GNAO1: variants seen among roughly 807,000 people sequenced by gnomAD.
GNAO1 encodes the protein guanine nucleotide-binding protein G(o) subunit alpha.
For synonymous variants in GNAO1, 164 were observed against 180.7 expected (o/e 0.91, Z 0.74); for missense variants, 166 against 478.7 (o/e 0.35, Z 6.10).
chr16:56,281,610 C>G (rs1222275021), intron 3 of GNAO1, among the ~76,000 whole-genome samples: 3 of 152,002 alleles, frequency 2.0e-5, no homozygotes, highest in Non-Finnish European at 4.4e-5. Flanking sequence ...CCCCTTCCCT[C>G]TCTCCCTCCC....
intron 2 of GNAO1, among the ~76,000 whole-genome samples, chr16:56,242,719 G>A (rs530774295): frequency 1.3e-5 from 2 of 152,276 alleles, no homozygotes; most frequent in African/African-American, 4.8e-5. Flanking sequence ...AAACATAGGG[G>A]TAAATCTTCA....
At chr16:56,300,067 G>A (rs2037330492) in intron 3 of GNAO1, among the ~76,000 whole-genome samples, 1 of 148,484 alleles carries the variant, frequency 6.7e-6, no homozygotes, top group Admixed American at 6.8e-5. Context: ...ACATGTGCTT[G>A]TGAGTGTGTC....
At chr16:56,248,939 G>T (rs2036773890) in intron 2 of GNAO1, among the ~76,000 whole-genome samples, 1 of 152,168 alleles carries the variant, frequency 6.6e-6, no homozygotes, top group African/African-American at 2.4e-5. Flanking sequence ...AGGAATAGAT[G>T]CAGGGAGATC....
rs1302198902 is a variant in GNAO1 at position 56,279,044 on chromosome 16, TC to T, written c.303+2975del. ...TTGGTCTCTGAAGAAGAGACCTCCT[TC>T]CCTCTCATGTTTTTTTCACCTCTGC... On this transcript the variant is annotated intron_variant, in intron 3 of 8. Transcript: ENST00000262493. Among the ~76,000 whole-genome samples, 9 of 151,848 alleles carry T rather than the reference TC, an allele frequency of 5.9e-5. No homozygotes were observed. In the South Asian group the frequency reaches 8.3e-4, roughly 14 times the overall value.
chr16:56,287,781 G>A (rs151206789), intron 3 of GNAO1, among the ~76,000 whole-genome samples: 1 of 152,170 alleles, frequency 6.6e-6, no homozygotes, highest in Admixed American at 6.5e-5. Context: ...TGGCTTTGCA[G>A]GAGTGGAGCT....
At chr16:56,287,940 T>C (rs1228801771) in intron 3 of GNAO1, among the ~76,000 whole-genome samples, 1 of 152,208 alleles carries the variant, frequency 6.6e-6, no homozygotes, top group African/African-American at 2.4e-5. Flanking sequence ...GCGCGCTGCA[T>C]AGACCGTGCA....
chr16:56,265,989 C>T (rs531618707), intron 2 of GNAO1, among the ~76,000 whole-genome samples: 1 of 152,290 alleles, frequency 6.6e-6, no homozygotes, highest in South Asian at 2.1e-4. Flanking sequence ...CTCCCTCTGC[C>T]TGTTGCGTTC....
chr16:56,321,228 A>C (rs1018689038), intron 3 of GNAO1, among the ~76,000 whole-genome samples: 28 of 152,186 alleles, frequency 1.8e-4, no homozygotes, highest in Admixed American at 1.3e-4. Context: ...AACCAACCAA[A>C]CAAACAAACA....
intron 3 of GNAO1, among the ~76,000 whole-genome samples, chr16:56,291,764 C>G (rs1404222247): frequency 6.6e-6 from 1 of 152,132 alleles, no homozygotes; most frequent in Non-Finnish European, 1.5e-5. Flanking sequence ...CATCAAGATA[C>G]CAGCAGATTT....
At chr16:56,246,005 G>A (rs2036740806) in intron 2 of GNAO1, among the ~76,000 whole-genome samples, 3 of 152,180 alleles carry the variant, frequency 2.0e-5, no homozygotes, top group Admixed American at 2.0e-4. Flanking sequence ...TTACTGCCCT[G>A]CTTCCTCCCA....
At chr16:56,231,191 C>A (rs1350901244) in intron 2 of GNAO1, among the ~76,000 whole-genome samples, 2 of 152,168 alleles carry the variant, frequency 1.3e-5, no homozygotes, top group Non-Finnish European at 2.9e-5. Flanking sequence ...TCAGCCCAGC[C>A]TACTCCATGG....
intron 2 of GNAO1, chr16:56,192,929 C>T: frequency 3.3e-6 from 1 of 298,674 alleles, no homozygotes; most frequent in African/African-American, 2.1e-5. Flanking sequence ...ATTACTCTTG[C>T]TTGTGGAATA....
rs73558377 is a variant in GNAO1 at position 56,291,390 on chromosome 16, G to A, written c.303+15318G>A. Among the ~76,000 whole-genome samples the A allele has an allele frequency of 8.5e-3, 1,293 of 152,164 alleles. 20 individuals are homozygous for A. The highest frequency in any genetic ancestry group is 0.029 in the African/African-American group (1,223 of 41,486). On this transcript the variant is annotated intron_variant, in intron 3 of 8. Transcript: ENST00000262493. ...ATTGAGCATCTTTTCATGTGCTTTT[G>A]GCCATTGGTGTATTTTCTTCAGAGA...
chr16:56,337,290 G>A (rs1337879638), intron 6 of GNAO1, among the ~76,000 whole-genome samples: 1 of 152,258 alleles, frequency 6.6e-6, no homozygotes, highest in African/African-American at 2.4e-5. Context: ...AAGCAGCATG[G>A]GGCCGGGGAT....
intron 2 of GNAO1, among the ~76,000 whole-genome samples, chr16:56,209,269 A>G (rs2036362054): frequency 6.6e-6 from 1 of 152,224 alleles, no homozygotes; most frequent in Admixed American, 6.5e-5. Context: ...TTAAACATGT[A>G]TGTGATAAGC....
At chr16:56,287,613 C>G (rs771645410) in intron 3 of GNAO1, among the ~76,000 whole-genome samples, 1 of 152,194 alleles carries the variant, frequency 6.6e-6, no homozygotes, top group Non-Finnish European at 1.5e-5. Flanking sequence ...AGGACAGGAG[C>G]CTGGGTGTGA....
rs530898767 is a variant in GNAO1, at chr16:56,237,462, G to A, written c.162-38469G>A. On this transcript the variant is annotated intron_variant, in intron 2 of 8. Transcript: ENST00000262493. ...GTATCTGAAAGAGAAAGGAGAGGAA[G>A]GAGAGAGGAGAAACCATGCGTTCTG... 8.5e-5 allele frequency among the ~76,000 whole-genome samples: 13 copies of A among 152,206 alleles called. 2 individuals carry two copies. The highest frequency in any genetic ancestry group is 3.1e-4 in the African/African-American group (13 of 41,526).
chr16:56,274,554 C>T (rs1347196452), intron 2 of GNAO1, among the ~76,000 whole-genome samples: 11 of 152,318 alleles, frequency 7.2e-5, no homozygotes, highest in African/African-American at 2.6e-4. Context: ...AAATGTGGTA[C>T]ATCCATACAG....
At chr16:56,249,065 G>A (rs574095608) in intron 2 of GNAO1, among the ~76,000 whole-genome samples, 10 of 152,232 alleles carry the variant, frequency 6.6e-5, no homozygotes, top group Non-Finnish European at 1.3e-4. Flanking sequence ...TACGGTGGTA[G>A]TGATTTAGGG....
Sources: allele counts gnomAD v4.1 joint callset (sites outside exome capture counted in the v4.1 genomes callset), GRCh38; gene constraint gnomAD v4.1.1; transcripts MANE v1.5; gene names NCBI Gene and HGNC (gene_info 2026-07-23, HGNC 2026-07-21).